Variants in IPO11 observed in about 807,000 individuals in gnomAD.
IPO11 encodes importin-11.
Under a neutral mutation model 143.2 loss-of-function variants are expected in IPO11, and 66 were observed. The ratio of observed to expected loss-of-function variants is 0.46; its 90% CI spans 0.38 to 0.57. The LOEUF (loss-of-function observed/expected upper bound fraction) is 0.57. IPO11 is among the 20% of genes least tolerant of loss of function. The probability of loss-of-function intolerance (pLI) is 0.00; values close to 1 mark genes in which losing one functional copy is unlikely to be tolerated. For missense variants in IPO11, 1,026 were observed against 1,141.0 expected, an observed-to-expected ratio of 0.90 and a Z score of 1.45; for synonymous variants, 385 against 377.8, an observed-to-expected ratio of 1.02 and a Z score of -0.22.
intron 9 of IPO11, among the ~76,000 whole-genome samples, chr5:62,482,806 G>A (rs1244749946): frequency 1.3e-5 from 2 of 152,196 alleles, no homozygotes; most frequent in Non-Finnish European, 2.9e-5. Context: ...GTATATTTAA[G>A]CGTTTTGTAT....
At chr5:62,555,784 T>C (rs1462307339) in intron 26 of IPO11, among the ~76,000 whole-genome samples, 3 of 152,156 alleles carry the variant, frequency 2.0e-5, no homozygotes, top group African/African-American at 7.2e-5. Context: ...GTTACAGGCA[T>C]GAGCTACTGC....
At chr5:62,473,132 T>C (rs1745841742) in intron 7 of IPO11, among the ~76,000 whole-genome samples, 2 of 152,190 alleles carry the variant, frequency 1.3e-5, no homozygotes. Flanking sequence ...AGAAATAGTA[T>C]GAAAATGGAA....
At chr5:62,435,212 G>GTATATATA (rs70981007) in intron 1 of IPO11, among the ~76,000 whole-genome samples, 10 of 79,676 alleles carry the variant, frequency 1.3e-4, no homozygotes, top group African/African-American at 4.9e-4. Context: ...ATATATATGT[G>GTATATATA]TATATATATA....
chr5:62,518,043 C>G (rs1742084542), intron 20 of IPO11, among the ~76,000 whole-genome samples: 1 of 151,736 alleles, frequency 6.6e-6, no homozygotes, highest in Non-Finnish European at 1.5e-5. Flanking sequence ...GTGGCTCACA[C>G]CTGTAATCCC....
At chr5:62,471,404 T>G (rs925930117) in intron 7 of IPO11, among the ~76,000 whole-genome samples, 1 of 152,182 alleles carries the variant, frequency 6.6e-6, no homozygotes, top group Non-Finnish European at 1.5e-5. Flanking sequence ...AAACCCATAA[T>G]ATACATCATC....
chr5:62,611,087 A>G (rs1745911834), intron 29 of IPO11, among the ~76,000 whole-genome samples: 1 of 152,204 alleles, frequency 6.6e-6, no homozygotes, highest in Admixed American at 6.5e-5. Flanking sequence ...ACAAAAAGCC[A>G]TTGTAGGACA....
chr5:62,507,446 G>A (rs987946964), intron 19 of IPO11, among the ~76,000 whole-genome samples: 1 of 152,088 alleles, frequency 6.6e-6, no homozygotes, highest in African/African-American at 2.4e-5. Context: ...CATTGCAACT[G>A]TTTTAAGAAC....
At chr5:62,423,346 T>C (rs1179042911) in intron 1 of IPO11, among the ~76,000 whole-genome samples, 1 of 152,148 alleles carries the variant, frequency 6.6e-6, no homozygotes, top group Non-Finnish European at 1.5e-5. Context: ...TGCTAGGTAA[T>C]GGCATTTATA....
At chr5:62,415,249 C>T (rs1225578848) in intron 1 of IPO11, among the ~76,000 whole-genome samples, 3 of 151,980 alleles carry the variant, frequency 2.0e-5, no homozygotes, top group Admixed American at 1.3e-4. Flanking sequence ...CTGCATCTTC[C>T]GCCTCCCGGG....
At chr5:62,516,294 T>G (rs1356695227) in intron 20 of IPO11, among the ~76,000 whole-genome samples, 1 of 147,692 alleles carries the variant, frequency 6.8e-6, no homozygotes, top group Non-Finnish European at 1.5e-5. Flanking sequence ...AAATGCTTTC[T>G]TTTTTTTTTT....
At chr5:62,445,000 A>G (rs1332200568) in intron 3 of IPO11, among the ~76,000 whole-genome samples, 1 of 151,982 alleles carries the variant, frequency 6.6e-6, no homozygotes, top group African/African-American at 2.4e-5. Flanking sequence ...ATAATGAATT[A>G]GAACCTAGAA....
At chr5:62,609,681 G>A (rs1009934012) in intron 29 of IPO11, among the ~76,000 whole-genome samples, 1 of 152,238 alleles carries the variant, frequency 6.6e-6, no homozygotes, top group African/African-American at 2.4e-5. Context: ...GAAGAGCTGG[G>A]CCTGCCCCTA....
intron 21 of IPO11, among the ~76,000 whole-genome samples, chr5:62,528,021 A>T (rs1742420772): frequency 6.6e-6 from 1 of 152,202 alleles, no homozygotes; most frequent in South Asian, 2.1e-4. Context: ...ATGTTTGCTG[A>T]AGTGGTTGGC....
At chr5:62,450,997 T>A (rs1744905254) in intron 4 of IPO11, among the ~76,000 whole-genome samples, 1 of 152,168 alleles carries the variant, frequency 6.6e-6, no homozygotes, top group Admixed American at 6.5e-5. Flanking sequence ...TGAAGCATAA[T>A]GGAGAAAAAC....
At chr5:62,537,066 A>G in intron 23 of IPO11, 143 bp from the exon 24 acceptor site, 1 of 566,742 alleles carries the variant, frequency 1.8e-6, no homozygotes, top group Non-Finnish European at 3.0e-6. Context: ...AACTTTTCCT[A>G]AGCGTTCTGA....
chr5:62,613,838 G>C (rs1746021150), intron 29 of IPO11, among the ~76,000 whole-genome samples: 1 of 152,108 alleles, frequency 6.6e-6, no homozygotes, highest in Non-Finnish European at 1.5e-5. Context: ...CCCCATCTGA[G>C]ATCCCAGTTG....
chr5:62,451,286 A>C (rs1353623707), intron 4 of IPO11, among the ~76,000 whole-genome samples: 1 of 152,234 alleles, frequency 6.6e-6, no homozygotes, highest in Non-Finnish European at 1.5e-5. Context: ...GAGAAACTTA[A>C]AAATATTCGT....
At chr5:62,620,056 AG>A (rs1026661062) in intron 29 of IPO11, among the ~76,000 whole-genome samples, 8 of 152,134 alleles carry the variant, frequency 5.3e-5, no homozygotes, top group African/African-American at 1.9e-4. Flanking sequence ...GTCAACAAAA[AG>A]AGTCATACTC....
intron 1 of IPO11, among the ~76,000 whole-genome samples, chr5:62,428,767 A>T (rs543315289): frequency 3.6e-4 from 55 of 152,000 alleles, no homozygotes; most frequent in South Asian, 8.3e-4. Context: ...GGGCTCCTCC[A>T]CACTCAGCCT....
Sources: allele counts gnomAD v4.1 joint callset (sites outside exome capture counted in the v4.1 genomes callset), GRCh38; gene constraint gnomAD v4.1.1; transcripts MANE v1.5; gene names NCBI Gene and HGNC (gene_info 2026-07-23, HGNC 2026-07-21).